The following PRRC1 variants were observed in gnomAD, a reference collection of about 807,000 sequenced individuals.
The protein encoded by PRRC1 is protein PRRC1.
Under a neutral mutation model 40.7 loss-of-function variants are expected in PRRC1, and 39 were observed. That is an observed-to-expected ratio of 0.96 (90% CI 0.74 to 1.25). PRRC1 has a LOEUF of 1.25. Among genes scored for constraint, PRRC1 ranks in the 50% most tolerant of loss-of-function variants. PRRC1 has a pLI of 0.00. For missense variants in PRRC1, 573 were observed against 548.3 expected (o/e 1.05, Z -0.45); for synonymous variants, 175 against 193.3 (o/e 0.91, Z 0.79).
Position 127,533,700 on chromosome 5 carries a change from G to T in PRRC1, c.835G>T (p.Glu279Ter). 1 of 1,614,118 alleles carries T rather than the reference G, an allele frequency of 6.2e-7. No individual in the cohort carries two copies. Reference protein sequence around the residue: ...KVAAVRDAFQEVFGLAVVVGE... With the variant: ...KVAAVRDAFQ ...TGCTGCTGTCCGAGATGCCTTCCAG[G>T]AGGTCTTTGGCTTAGCTGTGGTTGT... Residue 279 changes from glutamate to a stop codon, truncating the protein, a stop_gained, in exon 6 of 9, where the codon GAG (glutamate) becomes TAG (stop). Transcript: ENST00000296666. LOFTEE classifies it high-confidence loss of function.
At position 127,547,854 on chromosome 5, in the gene PRRC1, C is replaced by T. The variant is rs1768269209; in HGVS notation, c.1061C>T (p.Pro354Leu). ...FDIGCLVVED[P>L]VHGIHLETFT... is the part of the protein sequence containing the mutation. The stretch of plus-strand genomic sequence containing the variant: ...ATTGGTTGTTTGGTGGTTGAAGATC[C>T]TGTCCATGGCATTCATCTAGAAACA... Residue 354 changes from proline (P) to leucine (L), a missense_variant, in exon 8 of 9, where the codon CCT becomes CTT. By Grantham distance (98) the Pro-to-Leu change is moderately conservative. Coordinates refer to ENST00000296666, the MANE Select transcript of PRRC1 (RefSeq NM_130809.5). 6.2e-7 allele frequency: 1 copy of T among 1,613,298 alleles called. No homozygotes were observed. The highest frequency in any genetic ancestry group is 8.5e-7 in the Non-Finnish European group (1 of 1,179,542).
chr5:127,527,423 A>G (rs559573809), intron 4 of PRRC1, among the ~76,000 whole-genome samples: 6 of 152,258 alleles, frequency 3.9e-5, no homozygotes, highest in African/African-American at 7.2e-5. Flanking sequence ...GTTGTACAAG[A>G]GATCTCTTCT....
chr5:127,521,934 T>A (rs1339264173), intron 1 of PRRC1, among the ~76,000 whole-genome samples: 3 of 152,226 alleles, frequency 2.0e-5, no homozygotes, highest in Admixed American at 1.3e-4. Flanking sequence ...CAAAATCATA[T>A]TCCTGTCAAA....
chr5:127,541,668 GT>G (rs1460506648), intron 7 of PRRC1, among the ~76,000 whole-genome samples: 1 of 152,124 alleles, frequency 6.6e-6, no homozygotes, highest in Non-Finnish European at 1.5e-5. Context: ...GCGTAGAGTT[GT>G]TTGTAGTATT....
chr5:127,533,276 C>T (rs1334844734), intron 5 of PRRC1, among the ~76,000 whole-genome samples: 1 of 152,102 alleles, frequency 6.6e-6, no homozygotes, highest in Non-Finnish European at 1.5e-5. Flanking sequence ...TTCTCTGCAA[C>T]TCATTGACAA....
At chr5:127,548,220 G>T in intron 8 of PRRC1, 1 of 515,356 alleles carries the variant, frequency 1.9e-6, no homozygotes. Context: ...ACCTTTTCTA[G>T]TTGTTTTATG....
intron 7 of PRRC1, among the ~76,000 whole-genome samples, chr5:127,539,942 T>TA (rs1277758999): frequency 9.2e-5 from 14 of 152,120 alleles, no homozygotes; most frequent in African/African-American, 3.4e-4. Context: ...TCTGTGGAGA[T>TA]AGTGTCAGGT....
At chr5:127,545,741 G>A (rs1768199295) in intron 7 of PRRC1, among the ~76,000 whole-genome samples, 1 of 151,438 alleles carries the variant, frequency 6.6e-6, no homozygotes, top group Non-Finnish European at 1.5e-5. Context: ...TAACTAACCT[G>A]CACATTGTGC....
intron 8 of PRRC1, 62 bp downstream of exon 8, chr5:127,547,983 A>G: frequency 9.0e-7 from 1 of 1,106,748 alleles, no homozygotes; most frequent in Non-Finnish European, 1.4e-6. Flanking sequence ...TGTTTTCAGA[A>G]TAAAAATTTG....
chr5:127,528,278 C>G (rs970548490), intron 4 of PRRC1, among the ~76,000 whole-genome samples: 2 of 151,944 alleles, frequency 1.3e-5, no homozygotes, highest in African/African-American at 4.8e-5. Flanking sequence ...GGAGTCAGTT[C>G]TGTCAGTCTT....
intron 4 of PRRC1, among the ~76,000 whole-genome samples, chr5:127,528,831 C>T (rs1045913073): frequency 1.4e-4 from 22 of 152,080 alleles, no homozygotes; most frequent in African/African-American, 5.3e-4. Context: ...AATATCATAT[C>T]CCCATTGATT....
At chr5:127,533,176 A>G (rs1452949168) in intron 5 of PRRC1, among the ~76,000 whole-genome samples, 2 of 152,210 alleles carry the variant, frequency 1.3e-5, no homozygotes, top group East Asian at 3.9e-4. Flanking sequence ...CATTGTGGGG[A>G]TATTTAATAA....
At position 127,526,669 on chromosome 5, in the gene PRRC1, A is replaced by G. The variant is rs754253954; in HGVS notation, c.545A>G (p.Gln182Arg). The G allele has an allele frequency of 6.2e-7, 1 of 1,613,476 alleles. No homozygotes were observed. Among genetic ancestry groups the G allele is most frequent in the East Asian group, 2.2e-5 (1 of 44,846 alleles). The part of the protein sequence containing the change: ...TQQASLTSLA[Q>R]GTGTTSAITF... ...CAAGCCAGTTTGACATCTCTGGCAC[A>G]GGGAACTGGAACCACATCAGCCATT... The change falls in exon 4 of 9, where the codon CAG (glutamine) becomes CGG (arginine). Residue 182 changes from glutamine to arginine, a missense_variant. Physicochemically the swap from Gln to Arg is conservative, Grantham distance 43. Coordinates refer to ENST00000296666, the MANE Select transcript of PRRC1 (RefSeq NM_130809.5).
chr5:127,544,585 C>G (rs988714313), intron 7 of PRRC1, among the ~76,000 whole-genome samples: 1 of 152,240 alleles, frequency 6.6e-6, no homozygotes, highest in African/African-American at 2.4e-5. Flanking sequence ...TGGGCAATGG[C>G]GGGCGCCCCT....
At position 127,554,547 on chromosome 5, in the gene PRRC1, C is replaced by T. The variant is rs1196908840; in HGVS notation, c.*2631C>T. The stretch of plus-strand genomic sequence containing the variant: ...GACAAGGTGCTCAGATTATTCAATT[C>T]GGGATCCTCCTTTTGTTAGGTTTTT... On this transcript the variant is annotated 3_prime_UTR_variant, in exon 9 of 9. Coordinates refer to ENST00000296666, the MANE Select transcript of PRRC1 (RefSeq NM_130809.5). The T allele has an allele frequency of 1.3e-5, 2 of 152,188 alleles. No homozygotes were observed. The highest frequency in any genetic ancestry group is 4.8e-5 in the African/African-American group (2 of 41,446). 9.4% of individuals were successfully genotyped at this position (152,188 alleles called of 1,614,324 possible).
chr5:127,542,699 C>A (rs557613870), intron 7 of PRRC1, among the ~76,000 whole-genome samples: 2,960 of 150,846 alleles, frequency 0.02, 82 homozygotes, highest in African/African-American at 0.069. Context: ...ATTGCAACCC[C>A]TGCCTTTTTT....
Position 127,547,751 on chromosome 5 carries a change from C to A in PRRC1, c.1026-68C>A, listed in dbSNP as rs1258413053. On this transcript the variant is annotated intron_variant, in intron 7 of 8. Coordinates refer to ENST00000296666, the MANE Select transcript of PRRC1 (RefSeq NM_130809.5). Reference sequence around the variant, plus strand: ...ATCTGAATAATAGTACTTGTTTTTTCTTTTTGTCTATTCATGATAAGTTTT... The same window carrying A: ...ATCTGAATAATAGTACTTGTTTTTTATTTTTGTCTATTCATGATAAGTTTT... 5.7e-6 allele frequency: 6 copies of A among 1,061,052 alleles called. No individual in the cohort carries two copies. The East Asian group carries it at 1.4e-4, about 26-fold the overall frequency. The allele number at this position is 1,061,052 out of a possible 1,614,324, so 65.7% of individuals were successfully genotyped here.
chr5:127,525,749 G>T (rs187773460), intron 3 of PRRC1, among the ~76,000 whole-genome samples: 6 of 152,214 alleles, frequency 3.9e-5, no homozygotes, highest in Non-Finnish European at 5.9e-5. Flanking sequence ...TTTAGTATAT[G>T]ATTTTTTTAT....
intron 1 of PRRC1, among the ~76,000 whole-genome samples, chr5:127,519,680 C>T (rs999950087): frequency 1.3e-5 from 2 of 152,202 alleles, no homozygotes; most frequent in Non-Finnish European, 2.9e-5. Context: ...ATCATATTCT[C>T]TTTTCTCTTG....
Sources: allele counts gnomAD v4.1 joint callset (sites outside exome capture counted in the v4.1 genomes callset), GRCh38; gene constraint gnomAD v4.1.1; transcripts MANE v1.5; gene names NCBI Gene and HGNC (gene_info 2026-07-23, HGNC 2026-07-21).